Variants in CCDC110 observed in about 807,000 individuals in gnomAD.
CCDC110 encodes the protein coiled-coil domain-containing protein 110.
Under a neutral mutation model 77.1 loss-of-function variants are expected in CCDC110, and 70 were observed. The ratio of observed to expected loss-of-function variants is 0.91; its 90% CI spans 0.75 to 1.11. CCDC110 has a LOEUF of 1.11. Ranked by LOEUF, CCDC110 falls within the 50% of genes least tolerant of loss-of-function variation. CCDC110 has a pLI of 0.00. For synonymous variants in CCDC110, 295 were observed against 312.5 expected (o/e 0.94, Z 0.59); for missense variants, 868 against 942.9 (o/e 0.92, Z 1.04).
intron 6 of CCDC110, among the ~76,000 whole-genome samples, chr4:185,454,585 A>G (rs905898720): frequency 6.6e-6 from 1 of 151,944 alleles, no homozygotes; most frequent in African/African-American, 2.4e-5. Context: ...ATGGTGGCAC[A>G]TGCCTGTAGT....
chr4:185,464,703 T>C (rs2095652401), intron 2 of CCDC110, among the ~76,000 whole-genome samples: 1 of 152,164 alleles, frequency 6.6e-6, no homozygotes. Flanking sequence ...TTCGGTCAGC[T>C]CTCTATGCAC....
Position 185,463,097 on chromosome 4 carries a change from T to C in CCDC110, c.116-48A>G. 2.0e-6 allele frequency: 3 copies of C among 1,484,158 alleles called. 1 individual carries two copies. Among genetic ancestry groups the C allele is most frequent in the Middle Eastern group, 1.9e-4 (1 of 5,310 alleles). 91.9% of individuals were successfully genotyped at this position (1,484,158 alleles called of 1,614,324 possible). Reference sequence around the variant, plus strand: ...CATGTGACTTAATTCTTAAATTTTATTTTTTAAAACCTGTAATAGAAAGCA... The same window carrying C: ...CATGTGACTTAATTCTTAAATTTTACTTTTTAAAACCTGTAATAGAAAGCA... On this transcript the variant is annotated intron_variant, in intron 2 of 6. Transcript: ENST00000307588.
chr4:185,456,919 A>G (rs7667841), intron 6 of CCDC110, among the ~76,000 whole-genome samples: 12,833 of 152,256 alleles, frequency 0.084, 653 homozygotes, highest in South Asian at 0.13. Context: ...ACACTTCCCA[A>G]CAGGATTTTC....
chr4:185,458,459 C>T lies in CCDC110; in HGVS notation c.2128G>A (p.Glu710Lys). 2 of 1,600,032 alleles carry T rather than the reference C, an allele frequency of 1.2e-6. No individual in the cohort carries two copies. The highest frequency in any genetic ancestry group is 8.5e-7 in the Non-Finnish European group (1 of 1,175,804). Residue 710 changes from glutamate (E) to lysine (K), a missense_variant, in exon 6 of 7, where the codon GAA (glutamate) becomes AAA (lysine). Physicochemically the swap from Glu to Lys is moderately conservative, Grantham distance 56. Transcript: ENST00000307588. ...AGAATCTGATTATCTGTTTTGGTTT[C>T]CATTACCATTTTTGATAACATTTCA... Reference protein sequence around the residue: ...ECEMLSKMVMETKTDNQILKE... With the variant: ...ECEMLSKMVMKTKTDNQILKE...
chr4:185,453,501 T>C (rs1399081578), intron 6 of CCDC110, among the ~76,000 whole-genome samples: 1 of 151,800 alleles, frequency 6.6e-6, no homozygotes, highest in African/African-American at 2.4e-5. Context: ...AACTAATTTG[T>C]CCAAGTTAGC....
At chr4:185,460,285 T>G (rs2095643764) in intron 5 of CCDC110, 47 bp from the exon 6 acceptor site, 1 of 1,402,580 alleles carries the variant, frequency 7.1e-7, no homozygotes. Context: ...ATTTGCCACA[T>G]GATAAAGCAG....
At chr4:185,471,511 G>A in intron 1 of CCDC110, 163 bp downstream of exon 1, 1 of 692,404 alleles carries the variant, frequency 1.4e-6, no homozygotes. Context: ...GGGGGCCGCA[G>A]CGGGTGCTCA....
At chr4:185,462,944 T>G in intron 3 of CCDC110, 50 bp downstream of exon 3, 1 of 1,430,052 alleles carries the variant, frequency 7.0e-7, no homozygotes, top group Non-Finnish European at 9.8e-7. Flanking sequence ...CTGAAAAAGA[T>G]CAGCCTTTAC....
chr4:185,462,954 C>A, intron 3 of CCDC110, 40 bp downstream of exon 3: 2 of 1,514,382 alleles, frequency 1.3e-6, no homozygotes, highest in Non-Finnish European at 1.8e-6. Context: ...TCAGCCTTTA[C>A]CCAGAATTTT....
rs958781027 is a variant in CCDC110 at position 185,471,109 on chromosome 4, T to C, written c.11-60A>G. 1.6e-3 allele frequency: 137 copies of C among 85,016 alleles called. 1 individual carries two copies. The highest frequency in any genetic ancestry group is 3.4e-3 in the South Asian group (37 of 11,018). 5.3% of individuals were successfully genotyped at this position (85,016 alleles called of 1,614,324 possible). ...GGTCGTGGCGTGGCGGGGCTGAAGG[T>C]GGGGGCGGGGCAGAGGGATGGGGCG... On this transcript the variant is annotated intron_variant, in intron 1 of 6. Coordinates refer to ENST00000307588, the MANE Select transcript of CCDC110 (RefSeq NM_152775.4).
intron 1 of CCDC110, 45 bp from the exon 2 acceptor site, chr4:185,471,094 T>G (rs1580209220): frequency 1.4e-5 from 5 of 355,936 alleles, no homozygotes; most frequent in Admixed American, 9.3e-5. Flanking sequence ...GGTCGTGGCG[T>G]GGCGGGGCTG....
chr4:185,451,316 C>T (rs557303863), intron 6 of CCDC110, among the ~76,000 whole-genome samples: 1 of 152,118 alleles, frequency 6.6e-6, no homozygotes, highest in Non-Finnish European at 1.5e-5. Context: ...GTCCTTCTGC[C>T]GGTCCAGGCT....
In CCDC110 at chr4:185,459,501, G is replaced by A; in HGVS notation, c.1086C>T (p.Pro362=). Residue 362 remains proline (P), a synonymous_variant, in exon 6 of 7, where the codon CCC becomes CCT. Coordinates refer to ENST00000307588, the MANE Select transcript of CCDC110 (RefSeq NM_152775.4). ...AATCTGTAATATTTTTGCCAGTGAT[G>A]GGAATTTCTTTATTGTTTTTCTCAT... ...KKNEKNNKEI[P]ITGKNITDLK... The A allele has an allele frequency of 1.2e-6, 2 of 1,613,526 alleles. No homozygotes were observed. Among genetic ancestry groups the A allele is most frequent in the Non-Finnish European group, 1.7e-6 (2 of 1,179,708 alleles).
chr4:185,445,404 G>T lies in CCDC110; in HGVS notation c.*98C>A. ...AAGCAAATATATAGCGCCTCATTAT[G>T]AGTCATTTGAGATGAGTTAGATATG... On this transcript the variant is annotated 3_prime_UTR_variant, in exon 7 of 7. Coordinates refer to ENST00000307588, the MANE Select transcript of CCDC110 (RefSeq NM_152775.4). 1 of 890,762 alleles carries T rather than the reference G, an allele frequency of 1.1e-6. No individual in the cohort carries two copies. Among genetic ancestry groups the T allele is most frequent in the Non-Finnish European group, 1.8e-6 (1 of 560,158 alleles). The allele number at this position is 890,762 out of a possible 1,614,324, so 55.2% of individuals were successfully genotyped here.
Position 185,460,026 on chromosome 4 carries a change from A to T in CCDC110, c.561T>A (p.Pro187=). The change falls in exon 6 of 7, where the codon CCT becomes CCA. Residue 187 remains proline, a synonymous_variant. Coordinates refer to ENST00000307588, the MANE Select transcript of CCDC110 (RefSeq NM_152775.4). Reference sequence around the variant, plus strand: ...TCTTCAAGATGTCAGAATTTTCTGAAGGGTGTATAATTATGTTTGAAGATA... The same window carrying T: ...TCTTCAAGATGTCAGAATTTTCTGATGGGTGTATAATTATGTTTGAAGATA... The part of the protein sequence containing the change: ...DNLSSNIIIH[P]SENSDILKNY... 6.2e-7 allele frequency: 1 copy of T among 1,613,298 alleles called. No homozygotes were observed. The highest frequency in any genetic ancestry group is 8.5e-7 in the Non-Finnish European group (1 of 1,179,544).
In CCDC110 at chr4:185,450,225, A is replaced by G. The variant is rs182966568; in HGVS notation, c.2462-4683T>C. ...TGTAAAGCATCAGGTTATTTAGCCA[A>G]TGGCAGCCCCAAGATGAGTTTGAGG... On this transcript the variant is annotated intron_variant, in intron 6 of 6. Transcript: ENST00000307588. Among the ~76,000 whole-genome samples, 23 of 152,326 alleles carry G rather than the reference A, an allele frequency of 1.5e-4. No homozygotes were observed. In the East Asian group the frequency reaches 4.0e-3, roughly 27 times the overall value.
chr4:185,447,427 A>G (rs1003880730), intron 6 of CCDC110, among the ~76,000 whole-genome samples: 58 of 152,072 alleles, frequency 3.8e-4, no homozygotes, highest in East Asian at 1.2e-3. Flanking sequence ...TGATCCACCC[A>G]CCTTGGCCTC....
At chr4:185,466,686 C>A (rs1202126932) in intron 2 of CCDC110, among the ~76,000 whole-genome samples, 1 of 152,060 alleles carries the variant, frequency 6.6e-6, no homozygotes, top group Non-Finnish European at 1.5e-5. Flanking sequence ...CCTCCCATGT[C>A]AGCCTCCGGA....
intron 6 of CCDC110, among the ~76,000 whole-genome samples, chr4:185,446,458 A>G (rs541911553): frequency 6.6e-6 from 1 of 152,198 alleles, no homozygotes; most frequent in African/African-American, 2.4e-5. Context: ...ATACCTAACA[A>G]TGGCCTTTTT....
Sources: allele counts gnomAD v4.1 joint callset (sites outside exome capture counted in the v4.1 genomes callset), GRCh38; gene constraint gnomAD v4.1.1; transcripts MANE v1.5; gene names NCBI Gene and HGNC (gene_info 2026-07-23, HGNC 2026-07-21).